The following PDGFRA variants were observed in gnomAD, a reference collection of about 807,000 sequenced individuals.
PDGFRA encodes the protein platelet derived growth factor receptor alpha.
PDGFRA carries 25 observed loss-of-function variants against 121.5 expected under a neutral mutation model. The observed-to-expected ratio is 0.21, with a 90% CI of 0.15 to 0.29. PDGFRA has a LOEUF of 0.29. PDGFRA is among the 10% of genes least tolerant of loss of function. The pLI, the probability that PDGFRA is intolerant of heterozygous loss-of-function variation, is 1.00. For missense variants in PDGFRA, 1,008 were observed against 1,345.1 expected, an observed-to-expected ratio of 0.75 and a Z score of 3.92; for synonymous variants, 463 against 494.8, an observed-to-expected ratio of 0.94 and a Z score of 0.85.
chr4:54,267,658 G>C lies in PDGFRA; in HGVS notation c.1038G>C (p.Arg346Ser). The C allele has an allele frequency of 6.2e-7, 1 of 1,614,078 alleles. No homozygotes were observed. The highest frequency in any genetic ancestry group is 1.7e-4 in the Middle Eastern group (1 of 6,060). ...AGGTGCGGGCCTACCCACCTCCCAG[G>C]ATATCCTGGCTGAAAAACAATCTGA... is the stretch of plus-strand genomic sequence containing the variant. ...VVEVRAYPPP[R>S]ISWLKNNLTL... The change falls in exon 7 of 23, where the codon AGG becomes AGC. Residue 346 changes from arginine (R) to serine (S), a missense_variant. Physicochemically the swap from Arg to Ser is moderately radical, Grantham distance 110. This residue lies in a region of PDGFRA where 575 missense variants were observed against 701.8 expected (regional missense o/e 0.82). Transcript: ENST00000257290.
chr4:54,267,092 G>A (rs371449188), intron 5 of PDGFRA, among the ~76,000 whole-genome samples, 197 bp from the exon 6 acceptor site: 1 of 151,990 alleles, frequency 6.6e-6, no homozygotes, highest in African/African-American at 2.4e-5. Context: ...AAATTGAGAG[G>A]TACAGAGATT....
intron 1 of PDGFRA, among the ~76,000 whole-genome samples, chr4:54,244,663 C>T (rs541262840): frequency 7.2e-5 from 11 of 152,350 alleles, no homozygotes; most frequent in African/African-American, 2.6e-4. Flanking sequence ...CAGAGCGCCT[C>T]TCCTCCTCCA....
Position 54,277,435 on chromosome 4 carries a change from G to A in PDGFRA, c.1834G>A (p.Ala612Thr), listed in dbSNP as rs1290211365. ...GTTTGGGAAGGTGGTTGAAGGAACA[G>A]CCTATGGATTAAGCCGGTCCCAACC... ...GAFGKVVEGT[A>T]YGLSRSQPVM... The change falls in exon 13 of 23, where the codon GCC becomes ACC. Residue 612 changes from alanine to threonine, a missense_variant. Coordinates refer to ENST00000257290, the MANE Select transcript of PDGFRA (RefSeq NM_006206.6). The A allele has an allele frequency of 6.2e-7, 1 of 1,614,112 alleles. No individual in the cohort carries two copies. The highest frequency in any genetic ancestry group is 2.2e-5 in the East Asian group (1 of 44,866).
At chr4:54,263,591 G>A (rs1237066257) in intron 3 of PDGFRA, 76 bp from the exon 4 acceptor site, 1 of 1,368,488 alleles carries the variant, frequency 7.3e-7, no homozygotes, top group Non-Finnish European at 1.0e-6. Flanking sequence ...TAATGCCAGT[G>A]GGATAGTTTT....
At chr4:54,257,613 C>T (rs1722443658) in intron 1 of PDGFRA, among the ~76,000 whole-genome samples, 1 of 152,156 alleles carries the variant, frequency 6.6e-6, no homozygotes. Flanking sequence ...AGTGTGGCTT[C>T]TTGAGTCAAT....
At chr4:54,289,471 C>T (rs1018841978) in intron 21 of PDGFRA, among the ~76,000 whole-genome samples, 2 of 152,160 alleles carry the variant, frequency 1.3e-5, no homozygotes, top group African/African-American at 4.8e-5. Context: ...TACCAGCGGA[C>T]TGGAAGGAAC....
At chr4:54,293,118 G>T (rs892361011) in intron 22 of PDGFRA, among the ~76,000 whole-genome samples, 3 of 152,210 alleles carry the variant, frequency 2.0e-5, no homozygotes. Context: ...CTATGTCTCT[G>T]TAAGTTCACT....
intron 5 of PDGFRA, 136 bp downstream of exon 5, chr4:54,265,185 C>T (rs1722967590): frequency 1.2e-6 from 1 of 804,706 alleles, no homozygotes; most frequent in Non-Finnish European, 2.1e-6. Flanking sequence ...CTGGGATGAA[C>T]ACATTTGATT....
intron 1 of PDGFRA, among the ~76,000 whole-genome samples, chr4:54,238,878 T>C (rs993531263): frequency 6.6e-6 from 1 of 151,918 alleles, no homozygotes; most frequent in African/African-American, 2.4e-5. Flanking sequence ...TGAGGGGCAG[T>C]TGGGTGGCAG....
At chr4:54,244,908 C>A (rs372220149) in intron 1 of PDGFRA, among the ~76,000 whole-genome samples, 1 of 152,070 alleles carries the variant, frequency 6.6e-6, no homozygotes, top group African/African-American at 2.4e-5. Flanking sequence ...GGCTCAAGAA[C>A]TACATGAAGA....
intron 1 of PDGFRA, among the ~76,000 whole-genome samples, chr4:54,252,478 G>A (rs1412898405): frequency 6.6e-6 from 1 of 152,168 alleles, no homozygotes; most frequent in Admixed American, 6.5e-5. Context: ...AGGGTGCAGA[G>A]GTCCTGGTAA....
chr4:54,297,166 C>T lies in PDGFRA; in HGVS notation c.*1894C>T, dbSNP rs1347474577. On this transcript the variant is annotated 3_prime_UTR_variant, in exon 23 of 23. Transcript: ENST00000257290. ...GAATTGTCACATCTATCCACACTGT[C>T]AAACAGGTTGGTGTGGGTTCATTGG... 1 of 233,460 alleles carries T rather than the reference C, an allele frequency of 4.3e-6. No homozygotes were observed. The highest frequency in any genetic ancestry group is 5.6e-5 in the Admixed American group (1 of 17,784). The allele number at this position is 233,460 out of a possible 1,614,324, so 14.5% of individuals were successfully genotyped here.
chr4:54,231,717 G>C (rs1720682401), intron 1 of PDGFRA, among the ~76,000 whole-genome samples: 1 of 152,246 alleles, frequency 6.6e-6, no homozygotes, highest in African/African-American at 2.4e-5. Context: ...TGCAGTTTTG[G>C]GTTGACCCAA....
At chr4:54,259,585 T>G (rs1722574457) in intron 2 of PDGFRA, among the ~76,000 whole-genome samples, 1 of 152,244 alleles carries the variant, frequency 6.6e-6, no homozygotes, top group Admixed American at 6.5e-5. Flanking sequence ...CTGCAGATGT[T>G]CGCCATGAAA....
rs774246071 is a variant in PDGFRA at position 54,265,017 on chromosome 4, G to A, written c.727G>A (p.Val243Ile). The A allele has an allele frequency of 2.5e-6, 4 of 1,613,772 alleles. No homozygotes were observed. Among genetic ancestry groups the A allele is most frequent in the Admixed American group, 1.7e-5 (1 of 59,984 alleles). Residue 243 changes from valine to isoleucine, a missense_variant, in exon 5 of 23, where the codon GTT becomes ATT. This residue lies in a region of PDGFRA where 575 missense variants were observed against 701.8 expected (regional missense o/e 0.82). Coordinates refer to ENST00000257290, the MANE Select transcript of PDGFRA (RefSeq NM_006206.6). ...VTCAVFNNEV[V>I]DLQWTYPGEV... Reference sequence around the variant, plus strand: ...CTGTGCTGTTTTTAACAATGAGGTGGTTGACCTTCAATGGACTTACCCTGG... The same window carrying A: ...CTGTGCTGTTTTTAACAATGAGGTGATTGACCTTCAATGGACTTACCCTGG...
At chr4:54,262,198 G>A (rs1458837417) in intron 3 of PDGFRA, among the ~76,000 whole-genome samples, 2 of 151,826 alleles carry the variant, frequency 1.3e-5, no homozygotes, top group East Asian at 3.9e-4. Flanking sequence ...CCAAAATGCT[G>A]GGATTACAGG....
chr4:54,291,359 C>T (rs1057390179), intron 22 of PDGFRA, among the ~76,000 whole-genome samples: 3 of 152,234 alleles, frequency 2.0e-5, no homozygotes, highest in Non-Finnish European at 2.9e-5. Context: ...ACTACAATGC[C>T]GTTATCTCAC....
chr4:54,273,446 A>G, intron 9 of PDGFRA, 91 bp from the exon 10 acceptor site: 1 of 1,005,950 alleles, frequency 9.9e-7, no homozygotes. Context: ...CAAGGTCCCA[A>G]CTCCTTGCCA....
chr4:54,294,870 G>A (rs1724799669), intron 22 of PDGFRA, among the ~76,000 whole-genome samples: 1 of 152,162 alleles, frequency 6.6e-6, no homozygotes, highest in Non-Finnish European at 1.5e-5. Context: ...AGGGAAAGTA[G>A]AAATTCTTGC....
Sources: gnomAD v4.1 joint callset for allele counts (sites outside exome capture counted in the v4.1 genomes callset) on GRCh38, gnomAD v4.1.1 for gene constraint, gnomAD v4.1.1 regional missense constraint, MANE v1.5 for transcripts, NCBI Gene and HGNC (gene_info 2026-07-23, HGNC 2026-07-21) for gene names.